NDC80: variants seen among roughly 807,000 people sequenced by gnomAD.
The protein encoded by NDC80 is kinetochore protein NDC80 homolog.
NDC80 carries 69 observed loss-of-function variants against 89.3 expected under a neutral mutation model. The ratio of observed to expected loss-of-function variants is 0.77; its 90% CI spans 0.64 to 0.94. NDC80 has a LOEUF of 0.94. NDC80 is among the 40% of genes least tolerant of loss of function. The pLI is 0.00. For synonymous variants in NDC80, 243 were observed against 255.6 expected (o/e 0.95, Z 0.47); for missense variants, 593 against 739.6 (o/e 0.80, Z 2.30).
intron 10 of NDC80, among the ~76,000 whole-genome samples, chr18:2,593,013 G>GT (rs2072634810): frequency 9.2e-6 from 1 of 108,398 alleles, no homozygotes; most frequent in Non-Finnish European, 1.7e-5. Flanking sequence ...AATAAACTCT[G>GT]GTGTGTGTGT....
chr18:2,589,443 C>G, intron 9 of NDC80, 133 bp downstream of exon 9: 1 of 633,192 alleles, frequency 1.6e-6, no homozygotes, highest in Non-Finnish European at 2.8e-6. Flanking sequence ...AAATTTTCAC[C>G]TAGAAACTCC....
At chr18:2,614,481 A>ACTTTCACTCT (rs1568015739) in intron 16 of NDC80, 1 of 1,560 alleles carries the variant, frequency 6.4e-4, no homozygotes, top group African/African-American at 3.0e-3. Flanking sequence ...GAAAGAAAGA[A>ACTTTCACTCT]AGGAAGGAAG....
rs2072619667 is a variant in NDC80 at position 2,590,006 on chromosome 18, TTTCTC to T, written c.871-9_871-5del. 3 of 1,523,740 alleles carry T rather than the reference TTTCTC, an allele frequency of 2.0e-6. No individual in the cohort carries two copies. The highest frequency in any genetic ancestry group is 2.4e-5 in the East Asian group (1 of 42,242). The allele number at this position is 1,523,740 out of a possible 1,614,324, so 94.4% of individuals were successfully genotyped here. On this transcript the variant is annotated splice_region_variant and splice_polypyrimidine_tract_variant and intron_variant, in intron 9 of 16. Coordinates refer to ENST00000261597, the MANE Select transcript of NDC80 (RefSeq NM_006101.3). The stretch of plus-strand genomic sequence containing the variant: ...TTAAGAATAACTAAAGTTATATTCT[TTTCTC>T]TTAAAGAATCGTCTAGAGTCGTTGA...
Position 2,616,506 on chromosome 18 carries a change from G to C in NDC80, c.1861G>C (p.Glu621Gln), listed in dbSNP as rs746114392. Residue 621 changes from glutamate to glutamine, a missense_variant, in exon 17 of 17, where the codon GAA becomes CAA. Transcript: ENST00000261597. ...YEECMSEDLS[E>Q]NIKEIRDKYE... ...AGAATGCATGTCAGAAGATCTCTCGGAAAATATTAAAGAGATTAGAGATAA... is the reference window on the plus strand; with the variant it reads ...AGAATGCATGTCAGAAGATCTCTCGCAAAATATTAAAGAGATTAGAGATAA... The C allele has an allele frequency of 1.5e-5, 23 of 1,521,628 alleles. No homozygotes were observed. Among genetic ancestry groups the C allele is most frequent in the Non-Finnish European group, 2.1e-5 (23 of 1,121,446 alleles). The allele number at this position is 1,521,628 out of a possible 1,614,324, so 94.3% of individuals were successfully genotyped here. A position where few individuals can be genotyped will look rare whatever the true frequency, so the allele number is the denominator to read the frequency against.
At chr18:2,596,915 CTA>C (rs756022827) in intron 11 of NDC80, among the ~76,000 whole-genome samples, 33 of 151,844 alleles carry the variant, frequency 2.2e-4, no homozygotes, top group East Asian at 1.4e-3. Context: ...TCTCAGTAAA[CTA>C]TTGCAAGGAC....
chr18:2,608,169 T>G (rs2072724956), intron 14 of NDC80, among the ~76,000 whole-genome samples: 1 of 150,092 alleles, frequency 6.7e-6, no homozygotes, highest in South Asian at 2.1e-4. Context: ...ATATATATTT[T>G]AAATTTTAAT....
intron 6 of NDC80, among the ~76,000 whole-genome samples, chr18:2,580,814 T>C (rs1172491652): frequency 1.5e-5 from 2 of 133,410 alleles, no homozygotes; most frequent in Admixed American, 9.1e-5. Context: ...CAATCTCGGC[T>C]CACTGCAACC....
Position 2,585,164 on chromosome 18 carries a change from T to C in NDC80, c.631T>C (p.Trp211Arg), listed in dbSNP as rs772694800. 1.1e-5 allele frequency: 17 copies of C among 1,613,464 alleles called. No homozygotes were observed. In the Admixed American group the frequency reaches 2.3e-4, roughly 22 times the overall value. The change falls in exon 7 of 17, where the codon TGG becomes CGG. Residue 211 changes from tryptophan (W) to arginine (R), a missense_variant. By Grantham distance (101) the Trp-to-Arg change is moderately radical. Transcript: ENST00000261597. Reference protein sequence around the residue: ...SSPLFDDGQPWGEETEDGIMH... With the variant: ...SSPLFDDGQPRGEETEDGIMH... ...ACCTTTATTTGATGATGGGCAGCCT[T>C]GGGGAGAAGAAACTGAAGATGGAAT...
At position 2,599,163 on chromosome 18, in the gene NDC80, C is replaced by A. The variant is rs773696214; in HGVS notation, c.1366C>A (p.Gln456Lys). The change falls in exon 12 of 17, where the codon CAA becomes AAA. Residue 456 changes from glutamine to lysine, a missense_variant. Coordinates refer to ENST00000261597, the MANE Select transcript of NDC80 (RefSeq NM_006101.3). ...CAACTGCCTTGTCAAATACAGGGCT[C>A]AAGTTTATGTAAGTAATCATGACTA... Reference protein sequence around the residue: ...GANCLVKYRAQVYVPLKELLN... With the variant: ...GANCLVKYRAKVYVPLKELLN... 2 of 1,605,022 alleles carry A rather than the reference C, an allele frequency of 1.2e-6. No individual in the cohort carries two copies. The highest frequency in any genetic ancestry group is 2.2e-5 in the South Asian group (2 of 89,170).
chr18:2,586,191 T>TG lies in NDC80; in HGVS notation c.669+990dup, dbSNP rs77758879. ...GAAATAATTTCAGTCCCATCTTTTATGACTGCCTGGGATGTAGTTCAAAGA... is the reference window on the plus strand; with the variant it reads ...GAAATAATTTCAGTCCCATCTTTTATGGACTGCCTGGGATGTAGTTCAAAGA... On this transcript the variant is annotated intron_variant, in intron 7 of 16. Transcript: ENST00000261597. 2.0e-5 allele frequency among the ~76,000 whole-genome samples: 3 copies of TG among 152,394 alleles called. No individual in the cohort carries two copies. The East Asian group carries it at 5.8e-4, about 29-fold the overall frequency.
intron 11 of NDC80, among the ~76,000 whole-genome samples, chr18:2,597,122 A>G (rs953911913): frequency 7.2e-5 from 11 of 152,120 alleles, no homozygotes; most frequent in African/African-American, 2.2e-4. Flanking sequence ...ACATGTATAC[A>G]TATGTAACTA....
In NDC80 at chr18:2,577,968, G is replaced by A. The variant is rs1469260419; in HGVS notation, c.304-1G>A. 1.9e-6 allele frequency: 3 copies of A among 1,610,716 alleles called. No homozygotes were observed. Among genetic ancestry groups the A allele is most frequent in the South Asian group, 2.2e-5 (2 of 90,582 alleles). ...TTGGTGGTTCATAAAAATTATTGTA[G>A]TTTCTTACAGAAAATGGTTATGCAC... is the stretch of plus-strand genomic sequence containing the variant. On this transcript the variant is annotated splice_acceptor_variant, in intron 4 of 16. Coordinates refer to ENST00000261597, the MANE Select transcript of NDC80 (RefSeq NM_006101.3). LOFTEE classifies it high-confidence loss of function.
chr18:2,577,463 C>T (rs943716671), intron 3 of NDC80: 1 of 264,426 alleles, frequency 3.8e-6, no homozygotes, highest in African/African-American at 2.2e-5. Flanking sequence ...GATCCACCGC[C>T]TCAGCCTCCC....
At chr18:2,595,704 G>A (rs1221302138) in intron 11 of NDC80, 83 bp downstream of exon 11, 1 of 1,200,356 alleles carries the variant, frequency 8.3e-7, no homozygotes, top group Non-Finnish European at 1.2e-6. Context: ...AAGTCAGTGG[G>A]TAGAGTAAAT....
chr18:2,574,562 G>A (rs1567993599), intron 2 of NDC80, among the ~76,000 whole-genome samples: 1 of 152,034 alleles, frequency 6.6e-6, no homozygotes, highest in Non-Finnish European at 1.5e-5. Flanking sequence ...ATTTAGGCCT[G>A]AAAGTATGTT....
intron 8 of NDC80, among the ~76,000 whole-genome samples, chr18:2,588,194 A>T (rs537016317): frequency 6.6e-6 from 1 of 152,320 alleles, no homozygotes; most frequent in African/African-American, 2.4e-5. Flanking sequence ...GCAGCAGTAG[A>T]TGACAGTATA....
chr18:2,603,481 T>C (rs1238665801), intron 13 of NDC80, among the ~76,000 whole-genome samples: 2 of 150,976 alleles, frequency 1.3e-5, no homozygotes, highest in East Asian at 3.9e-4. Context: ...TTTTTCCTAT[T>C]GGACAAGTAG....
chr18:2,584,502 A>G (rs1017416643), intron 6 of NDC80, among the ~76,000 whole-genome samples: 3 of 152,130 alleles, frequency 2.0e-5, no homozygotes, highest in African/African-American at 7.2e-5. Flanking sequence ...TGGAATTTCT[A>G]TGCCTTAAAA....
intron 13 of NDC80, among the ~76,000 whole-genome samples, chr18:2,603,037 C>T (rs1169372699): frequency 1.3e-5 from 2 of 151,990 alleles, no homozygotes; most frequent in African/African-American, 4.8e-5. Context: ...TGCTATTAAC[C>T]TAAAGGAGGA....
Sources: gnomAD v4.1 joint callset for allele counts (sites outside exome capture counted in the v4.1 genomes callset) on GRCh38, gnomAD v4.1.1 for gene constraint, MANE v1.5 for transcripts, NCBI Gene and HGNC (gene_info 2026-07-23, HGNC 2026-07-21) for gene names.